Variants in CCDC93 observed in about 807,000 individuals in gnomAD.
CCDC93 encodes CCC complex scaffolding subunit CCDC93, also known as coiled-coil domain-containing protein 93.
CCDC93 carries 61 observed loss-of-function variants against 108.2 expected under a neutral mutation model. The observed-to-expected ratio is 0.56, with a 90% CI of 0.46 to 0.70. CCDC93 has a LOEUF of 0.70. CCDC93 is among the 30% of genes least tolerant of loss of function. The pLI is 0.00. For missense variants in CCDC93, 685 were observed against 764.2 expected (o/e 0.90, Z 1.22); for synonymous variants, 276 against 260.4 (o/e 1.06, Z -0.58).
intron 1 of CCDC93, among the ~76,000 whole-genome samples, chr2:118,010,742 T>C (rs1677001129): frequency 6.6e-6 from 1 of 152,218 alleles, no homozygotes; most frequent in Non-Finnish European, 1.5e-5. Flanking sequence ...ATTCAGATCT[T>C]TGGCCACCAA....
chr2:117,962,139 T>TA lies in CCDC93; in HGVS notation c.889-3659dup, dbSNP rs138319697. Among the ~76,000 whole-genome samples, 476 of 152,360 alleles carry TA rather than the reference T, an allele frequency of 3.1e-3. 4 individuals are homozygous for TA. Among genetic ancestry groups the TA allele is most frequent in the African/African-American group, 0.011 (455 of 41,584 alleles). On this transcript the variant is annotated intron_variant, in intron 11 of 23. Transcript: ENST00000376300. ...AGAAGCAAAAAATGATTACTTTAGCTAAAACTATATACTTTTATAATTGAA... is the reference window on the plus strand; with the variant it reads ...AGAAGCAAAAAATGATTACTTTAGCTAAAAACTATATACTTTTATAATTGAA...
chr2:117,980,228 C>T (rs1680075710), intron 7 of CCDC93, among the ~76,000 whole-genome samples: 1 of 152,206 alleles, frequency 6.6e-6, no homozygotes, highest in Non-Finnish European at 1.5e-5. Flanking sequence ...CTCATCCAGC[C>T]CTGTAACCAA....
chr2:117,943,736 A>G (rs1345971793), intron 18 of CCDC93, among the ~76,000 whole-genome samples: 2 of 152,250 alleles, frequency 1.3e-5, no homozygotes, highest in African/African-American at 4.8e-5. Context: ...ATCCAAACAA[A>G]CAAGCCAATT....
At chr2:117,939,991 A>T (rs1056684510) in intron 19 of CCDC93, among the ~76,000 whole-genome samples, 1 of 152,186 alleles carries the variant, frequency 6.6e-6, no homozygotes, top group African/African-American at 2.4e-5. Context: ...AGTTGCAGGG[A>T]GCCTAAGTAT....
intron 15 of CCDC93, among the ~76,000 whole-genome samples, chr2:117,947,693 C>CTTTT (rs763811529): frequency 3.3e-5 from 4 of 121,964 alleles, no homozygotes; most frequent in East Asian, 2.4e-4. Flanking sequence ...GATGAATCTG[C>CTTTT]TTTTTTTTTT....
chr2:117,998,875 T>C (rs912269628), intron 4 of CCDC93: 2 of 152,248 alleles, frequency 1.3e-5, no homozygotes, highest in African/African-American at 4.8e-5. Flanking sequence ...AGTGTCCCCT[T>C]GCATAAGAAA....
intron 23 of CCDC93, among the ~76,000 whole-genome samples, chr2:117,929,290 C>T (rs1013827434): frequency 5.9e-5 from 9 of 152,162 alleles, no homozygotes; most frequent in Non-Finnish European, 1.0e-4. Context: ...AAACATATTT[C>T]ATCCCCTCCC....
chr2:118,000,478 C>T (rs1424956798), intron 4 of CCDC93, among the ~76,000 whole-genome samples: 2 of 151,888 alleles, frequency 1.3e-5, no homozygotes, highest in Admixed American at 6.6e-5. Flanking sequence ...AGTGCTAGAA[C>T]AAAAAGAACA....
At chr2:117,931,229 G>A in intron 22 of CCDC93, 79 bp from the exon 23 acceptor site, 1 of 862,174 alleles carries the variant, frequency 1.2e-6, no homozygotes, top group Non-Finnish European at 1.9e-6. Context: ...AAAGGCAACA[G>A]TTGTTAACAG....
At chr2:117,967,919 T>A (rs150306035) in intron 11 of CCDC93, among the ~76,000 whole-genome samples, 1 of 152,216 alleles carries the variant, frequency 6.6e-6, no homozygotes, top group Non-Finnish European at 1.5e-5. Context: ...ACGAATTAAA[T>A]GAGATAATTT....
chr2:117,948,830 T>G (rs1678958679), intron 14 of CCDC93, among the ~76,000 whole-genome samples: 1 of 152,200 alleles, frequency 6.6e-6, no homozygotes, highest in African/African-American at 2.4e-5. Context: ...GTGCTTTCTC[T>G]CCTCTAATGC....
intron 20 of CCDC93, chr2:117,937,050 C>G (rs893477059): frequency 5.0e-6 from 2 of 398,994 alleles, no homozygotes; most frequent in Non-Finnish European, 9.3e-6. Context: ...AACACTAGGG[C>G]TCTCTAGGCA....
intron 11 of CCDC93, among the ~76,000 whole-genome samples, chr2:117,966,272 A>C (rs1679570282): frequency 6.6e-6 from 1 of 152,234 alleles, no homozygotes; most frequent in South Asian, 2.1e-4. Flanking sequence ...AAGCCATGAC[A>C]GACAGAGGAC....
intron 13 of CCDC93, chr2:117,950,967 T>C: frequency 1.0e-6 from 1 of 985,410 alleles, no homozygotes; most frequent in Non-Finnish European, 1.2e-6. Context: ...GCTGTTTTCA[T>C]TTGAGGATAG....
chr2:117,932,738 G>A (rs745497637), intron 22 of CCDC93, among the ~76,000 whole-genome samples: 2 of 152,174 alleles, frequency 1.3e-5, no homozygotes, highest in African/African-American at 4.8e-5. Flanking sequence ...TGCCTGCATG[G>A]GTCTCTGACA....
intron 11 of CCDC93, among the ~76,000 whole-genome samples, chr2:117,973,617 C>T (rs957353184): frequency 3.3e-5 from 5 of 152,156 alleles, no homozygotes; most frequent in Non-Finnish European, 7.4e-5. Flanking sequence ...AGAAAAAATG[C>T]TCATCCCATA....
At chr2:117,955,096 A>G (rs1367536056) in intron 12 of CCDC93, among the ~76,000 whole-genome samples, 4 of 152,222 alleles carry the variant, frequency 2.6e-5, no homozygotes, top group South Asian at 2.1e-4. Context: ...TTGTATAATG[A>G]GGATAATAAT....
At chr2:117,965,392 G>A (rs1679529916) in intron 11 of CCDC93, among the ~76,000 whole-genome samples, 1 of 152,142 alleles carries the variant, frequency 6.6e-6, no homozygotes, top group South Asian at 2.1e-4. Flanking sequence ...AAAGCAGTCG[G>A]GGTCCCCGGG....
At chr2:117,923,360 T>C (rs564946387) in intron 23 of CCDC93, among the ~76,000 whole-genome samples, 22 of 152,260 alleles carry the variant, frequency 1.4e-4, no homozygotes, top group African/African-American at 4.6e-4. Context: ...GAATTCCCTT[T>C]CCTAGTCAAA....
Sources: gnomAD v4.1 joint callset for allele counts (sites outside exome capture counted in the v4.1 genomes callset) on GRCh38, gnomAD v4.1.1 for gene constraint, MANE v1.5 for transcripts, NCBI Gene and HGNC (gene_info 2026-07-23, HGNC 2026-07-21) for gene names.